NR2F1-AS1: variants seen among roughly 807,000 people sequenced by gnomAD.
NR2F1-AS1 encodes NR2F1 antisense RNA 1.
chr5:93,447,810 T>C (rs1372277488), intron 4 of NR2F1-AS1, among the ~76,000 whole-genome samples: 1 of 152,196 alleles, frequency 6.6e-6, no homozygotes, highest in African/African-American at 2.4e-5. Flanking sequence ...TGTCCATCAA[T>C]GATAGTCTGG....
chr5:93,451,122 C>CTAGT (rs1445293268), intron 4 of NR2F1-AS1, among the ~76,000 whole-genome samples: 2 of 151,808 alleles, frequency 1.3e-5, no homozygotes, highest in Non-Finnish European at 1.5e-5. Context: ...TTGAGATAAT[C>CTAGT]TAGTTAACAT....
chr5:93,542,499 A>G (rs982421476), intron 4 of NR2F1-AS1: 2 of 152,110 alleles, frequency 1.3e-5, no homozygotes, highest in Admixed American at 6.6e-5. Context: ...AACATCTCCA[A>G]ACATTATCAA....
chr5:93,466,242 T>C (rs549809953), intron 4 of NR2F1-AS1, among the ~76,000 whole-genome samples: 1 of 152,074 alleles, frequency 6.6e-6, no homozygotes, highest in Admixed American at 6.6e-5. Flanking sequence ...CCTCCAATAA[T>C]ATCCACCCAC....
intron 4 of NR2F1-AS1, among the ~76,000 whole-genome samples, chr5:93,447,451 A>C (rs1749738056): frequency 6.6e-6 from 1 of 152,234 alleles, no homozygotes; most frequent in African/African-American, 2.4e-5. Flanking sequence ...GACACATGAA[A>C]AAATGCTCAT....
chr5:93,555,927 T>C (rs925023904), intron 2 of NR2F1-AS1, among the ~76,000 whole-genome samples: 2 of 152,154 alleles, frequency 1.3e-5, no homozygotes, highest in Non-Finnish European at 2.9e-5. Flanking sequence ...TTCCAAATGT[T>C]CTACATAATA....
intron 4 of NR2F1-AS1, among the ~76,000 whole-genome samples, chr5:93,527,795 T>G (rs1328125000): frequency 6.6e-6 from 1 of 152,216 alleles, no homozygotes; most frequent in Non-Finnish European, 1.5e-5. Context: ...GCTAGCCATA[T>G]GCAGAAAACT....
intron 4 of NR2F1-AS1, among the ~76,000 whole-genome samples, chr5:93,430,861 T>TATCATCATCATCATCATCATAATCATC (rs1749296939): frequency 6.7e-6 from 1 of 149,522 alleles, no homozygotes; most frequent in Non-Finnish European, 1.5e-5. Context: ...TCCCTTGCTT[T>TATCATCATCATCATCATCATAATCATC]ATCATCATCA....
intron 4 of NR2F1-AS1, among the ~76,000 whole-genome samples, chr5:93,530,896 T>A (rs1186969093): frequency 1.3e-5 from 2 of 152,080 alleles, no homozygotes; most frequent in Non-Finnish European, 2.9e-5. Context: ...TAAGTTTAAT[T>A]TTTTTTGAAA....
chr5:93,582,271 T>TTA (rs1554074296), upstream of NR2F1-AS1, among the ~76,000 whole-genome samples: 2 of 131,090 alleles, frequency 1.5e-5, no homozygotes, highest in Non-Finnish European at 3.3e-5. Context: ...AGCCAGGTGA[T>TTA]AAAAAAAAAA....
chr5:93,409,943 G>T (rs1748816958), intron 4 of NR2F1-AS1: 1 of 151,976 alleles, frequency 6.6e-6, no homozygotes, highest in Non-Finnish European at 1.5e-5. Context: ...GTCTGTTGAT[G>T]ATGTTAAAAA....
In NR2F1-AS1 at chr5:93,540,486, T is replaced by C. The variant is rs144243739; in HGVS notation, n.638+13275A>G. ...TTCACCCAATAGGCTCAAGGGGCTA[T>C]TCTCATGGAATCTTATCTGCTTGCC... On this transcript the variant is annotated intron_variant and non_coding_transcript_variant, in intron 4 of 5. Coordinates refer to ENST00000660523, the Ensembl canonical transcript of NR2F1-AS1. Among the ~76,000 whole-genome samples, 375 of 152,310 alleles carry C rather than the reference T, an allele frequency of 2.5e-3. 2 individuals carry two copies. The highest frequency in any genetic ancestry group is 8.5e-3 in the African/African-American group (353 of 41,566).
chr5:93,486,724 G>A (rs1361063464), intron 4 of NR2F1-AS1, among the ~76,000 whole-genome samples: 2 of 152,098 alleles, frequency 1.3e-5, no homozygotes, highest in Admixed American at 6.6e-5. Context: ...GAAAAAGAGG[G>A]ACTCCTCCCT....
intron 4 of NR2F1-AS1, among the ~76,000 whole-genome samples, chr5:93,541,423 C>T (rs1397611097): frequency 2.0e-5 from 3 of 152,100 alleles, no homozygotes; most frequent in Non-Finnish European, 4.4e-5. Flanking sequence ...AATCAATAAC[C>T]CTAATCCTGA....
At chr5:93,461,382 C>A (rs1392225353) in intron 4 of NR2F1-AS1, among the ~76,000 whole-genome samples, 3 of 152,026 alleles carry the variant, frequency 2.0e-5, no homozygotes, top group African/African-American at 7.2e-5. Context: ...CTAATGGATG[C>A]TGAGCTTAAT....
intron 4 of NR2F1-AS1, among the ~76,000 whole-genome samples, chr5:93,477,250 A>G (rs1249738401): frequency 6.6e-6 from 1 of 152,232 alleles, no homozygotes; most frequent in African/African-American, 2.4e-5. Context: ...TAGCAATTTC[A>G]GTTCCAGAGA....
At chr5:93,526,932 A>C (rs550208877) in intron 4 of NR2F1-AS1, among the ~76,000 whole-genome samples, 15 of 152,256 alleles carry the variant, frequency 9.9e-5, no homozygotes, top group Non-Finnish European at 1.9e-4. Context: ...TTGGAAAATC[A>C]GCACAAGAAA....
At chr5:93,475,725 T>G (rs1750469981) in intron 4 of NR2F1-AS1, among the ~76,000 whole-genome samples, 1 of 152,230 alleles carries the variant, frequency 6.6e-6, no homozygotes, top group Non-Finnish European at 1.5e-5. Flanking sequence ...AGATTTCACA[T>G]TAATTGCCCC....
chr5:93,472,937 C>T (rs1349384593), intron 4 of NR2F1-AS1, among the ~76,000 whole-genome samples: 1 of 151,720 alleles, frequency 6.6e-6, no homozygotes, highest in Non-Finnish European at 1.5e-5. Context: ...AAATTAAATG[C>T]CTGTTGTTTT....
chr5:93,423,891 A>G (rs1440217360), intron 4 of NR2F1-AS1, among the ~76,000 whole-genome samples: 2 of 152,154 alleles, frequency 1.3e-5, no homozygotes, highest in African/African-American at 2.4e-5. Flanking sequence ...TCTCTTAGGA[A>G]GGTCTGCCTC....
Sources: gnomAD v4.1 joint callset for allele counts (sites outside exome capture counted in the v4.1 genomes callset) on GRCh38, gnomAD v4.1.1 for gene constraint, MANE v1.5 for transcripts, NCBI Gene and HGNC (gene_info 2026-07-23, HGNC 2026-07-21) for gene names.